Variants in HTR3C observed in about 807,000 individuals in gnomAD.
The protein encoded by HTR3C is 5-HT3-C.
HTR3C carries 32 observed loss-of-function variants against 40.5 expected under a neutral mutation model. The ratio of observed to expected loss-of-function variants is 0.79; its 90% CI spans 0.60 to 1.06. The LOEUF (loss-of-function observed/expected upper bound fraction) is 1.06, where lower values mean the gene tolerates loss of function less well. Ranked by LOEUF, HTR3C falls within the 50% of genes least tolerant of loss-of-function variation. The probability of loss-of-function intolerance (pLI) is 0.00; values close to 1 mark genes in which losing one functional copy is unlikely to be tolerated. For synonymous variants in HTR3C, 209 were observed against 217.1 expected (o/e 0.96, Z 0.33); for missense variants, 523 against 556.8 (o/e 0.94, Z 0.61).
intron 6 of HTR3C, among the ~76,000 whole-genome samples, chr3:184,059,163 G>A (rs563154208): frequency 3.9e-4 from 59 of 152,140 alleles, no homozygotes; most frequent in African/African-American, 1.3e-3. Flanking sequence ...GCTCAGAATG[G>A]ATCAGCTCAC....
In HTR3C at chr3:184,059,964, C is replaced by T. The variant is rs1465711411; in HGVS notation, c.1062C>T (p.Cys354=). Reference sequence around the variant, plus strand: ...GGCTTCACTCCCTGCTGCTCCACTGCACCAGCCCAGGGAGATGCTGTCCCA... The same window carrying T: ...GGCTTCACTCCCTGCTGCTCCACTGTACCAGCCCAGGGAGATGCTGTCCCA... The part of the protein sequence containing the change: ...PRWLHSLLLH[C]TSPGRCCPTA... The change falls in exon 8 of 9, where the codon TGC becomes TGT. Residue 354 remains cysteine (C), a synonymous_variant. Transcript: ENST00000318351. 1 of 1,613,844 alleles carries T rather than the reference C, an allele frequency of 6.2e-7. No individual in the cohort carries two copies. Among genetic ancestry groups the T allele is most frequent in the South Asian group, 1.1e-5 (1 of 91,074 alleles).
chr3:184,059,112 C>A (rs1560081969), intron 6 of HTR3C, among the ~76,000 whole-genome samples: 1 of 152,188 alleles, frequency 6.6e-6, no homozygotes, highest in Non-Finnish European at 1.5e-5. Flanking sequence ...CACTCCTGCT[C>A]TGGAGAGGGC....
At chr3:184,058,170 C>T (rs1240503773) in intron 5 of HTR3C, among the ~76,000 whole-genome samples, 1 of 152,212 alleles carries the variant, frequency 6.6e-6, no homozygotes, top group Non-Finnish European at 1.5e-5. Flanking sequence ...AAGTTCTTGA[C>T]TCACGTTTCA....
rs374888245 is a variant in HTR3C at position 184,060,291 on chromosome 3, G to C, written c.1283G>C (p.Arg428Pro). 1.2e-6 allele frequency: 2 copies of C among 1,614,108 alleles called. No homozygotes were observed. The highest frequency in any genetic ancestry group is 4.5e-5 in the East Asian group (2 of 44,862). ...FSHAMDTLLF[R>P]LYLLFMASSI... ...CACGCGATGGACACCCTGCTCTTCC[G>C]CCTCTACCTGCTCTTCATGGCCTCC... Residue 428 changes from arginine to proline, a missense_variant, in exon 9 of 9, where the codon CGC becomes CCC. Transcript: ENST00000318351.
chr3:184,058,282 A>G (rs959471466), intron 5 of HTR3C, 145 bp from the exon 6 acceptor site: 15 of 695,114 alleles, frequency 2.2e-5, no homozygotes, highest in Non-Finnish European at 3.4e-5. Flanking sequence ...CTAGTCGGGT[A>G]ACCCACTTCT....
In HTR3C at chr3:184,059,973, A is replaced by T; in HGVS notation, c.1071A>T (p.Pro357=). Residue 357 remains proline, a synonymous_variant, in exon 8 of 9, where the codon CCA becomes CCT. Transcript: ENST00000318351. The part of the protein sequence containing the change: ...LHSLLLHCTS[P]GRCCPTAPQK... ...CCCTGCTGCTCCACTGCACCAGCCC[A>T]GGGAGATGCTGTCCCACTGCGCCCC... 1 of 1,613,812 alleles carries T rather than the reference A, an allele frequency of 6.2e-7. No homozygotes were observed. Among genetic ancestry groups the T allele is most frequent in the African/African-American group, 1.3e-5 (1 of 75,004 alleles).
chr3:184,056,803 A>G (rs767501361), intron 4 of HTR3C, 72 bp from the exon 5 acceptor site: 441 of 1,362,846 alleles, frequency 3.2e-4, no homozygotes, highest in Non-Finnish European at 4.3e-4. Context: ...AGAGCACAGC[A>G]GGGGAGACCC....
At chr3:184,053,356 A>G (rs1723261177) in intron 1 of HTR3C, among the ~76,000 whole-genome samples, 1 of 152,176 alleles carries the variant, frequency 6.6e-6, no homozygotes, top group African/African-American at 2.4e-5. Flanking sequence ...ACAGGGATCT[A>G]TCAAACTGTC....
chr3:184,055,884 C>CAAAA (rs71185686), intron 3 of HTR3C, among the ~76,000 whole-genome samples: 2,784 of 30,682 alleles, frequency 0.091, 721 homozygotes, highest in Middle Eastern at 0.18. Context: ...AATAGCAACT[C>CAAAA]AAAAAAAAAA....
intron 3 of HTR3C, among the ~76,000 whole-genome samples, chr3:184,055,637 C>T (rs181419306): frequency 1.7e-4 from 26 of 151,628 alleles, no homozygotes; most frequent in Middle Eastern, 3.4e-3. Context: ...TTGCTTGAAC[C>T]GGGGAGGCAG....
intron 2 of HTR3C, among the ~76,000 whole-genome samples, 180 bp downstream of exon 2, chr3:184,055,067 G>A (rs777020565): frequency 5.9e-5 from 9 of 152,192 alleles, no homozygotes; most frequent in Non-Finnish European, 1.0e-4. Flanking sequence ...CTGCAGTGAT[G>A]TTTTTTCAGG....
chr3:184,056,029 A>G (rs1000639516), intron 3 of HTR3C, 148 bp from the exon 4 acceptor site: 1 of 602,440 alleles, frequency 1.7e-6, no homozygotes. Context: ...ACACCTTGTT[A>G]AATCAAGAAT....
intron 1 of HTR3C, 44 bp from the exon 2 acceptor site, chr3:184,054,677 C>T: frequency 1.3e-6 from 2 of 1,488,318 alleles, no homozygotes; most frequent in East Asian, 2.4e-5. Flanking sequence ...GACTCCAGCC[C>T]TGGAAATAGA....
At chr3:184,054,494 A>G (rs760064202) in intron 1 of HTR3C, among the ~76,000 whole-genome samples, 4 of 152,138 alleles carry the variant, frequency 2.6e-5, no homozygotes, top group Non-Finnish European at 4.4e-5. Flanking sequence ...CATGAGGATG[A>G]AGCAATGGGA....
At chr3:184,053,711 C>T (rs1041514610) in intron 1 of HTR3C, among the ~76,000 whole-genome samples, 6 of 152,146 alleles carry the variant, frequency 3.9e-5, no homozygotes, top group Admixed American at 2.0e-4. Flanking sequence ...TGGCCATGGC[C>T]GAGAGACAAT....
Position 184,054,840 on chromosome 3 carries a change from C to T in HTR3C, c.187C>T (p.Pro63Ser), listed in dbSNP as rs960008234. The T allele has an allele frequency of 6.2e-7, 1 of 1,613,376 alleles. No individual in the cohort carries two copies. The highest frequency in any genetic ancestry group is 8.5e-7 in the Non-Finnish European group (1 of 1,179,612). Residue 63 changes from proline (P) to serine (S), a missense_variant, in exon 2 of 9, where the codon CCT becomes TCT. Pro to Ser is a moderately conservative substitution (Grantham distance 74). Transcript: ENST00000318351. ...AFRPFTNYSIPTRVNISFTLS... is the reference protein window; with the variant it reads ...AFRPFTNYSISTRVNISFTLS... ...CCGTCCATTCACCAACTACAGCATCCCTACCCGTGTCAACATCTCCTTCAC... is the reference window on the plus strand; with the variant it reads ...CCGTCCATTCACCAACTACAGCATCTCTACCCGTGTCAACATCTCCTTCAC...
chr3:184,054,363 G>C (rs544587197), intron 1 of HTR3C, among the ~76,000 whole-genome samples: 25 of 152,328 alleles, frequency 1.6e-4, no homozygotes, highest in Admixed American at 1.4e-3. Flanking sequence ...TGGACCACAA[G>C]TTTTGGGCAG....
intron 3 of HTR3C, among the ~76,000 whole-genome samples, chr3:184,055,734 GAA>G (rs1723309768): frequency 1.4e-5 from 2 of 139,006 alleles, no homozygotes; most frequent in African/African-American, 5.4e-5. Flanking sequence ...CACACACACA[GAA>G]AAAGTGACTT....
At chr3:184,058,817 T>A (rs1723384032) in intron 6 of HTR3C, among the ~76,000 whole-genome samples, 1 of 151,830 alleles carries the variant, frequency 6.6e-6, no homozygotes, top group South Asian at 2.1e-4. Flanking sequence ...AACACAAAAA[T>A]TAGCTGGGTG....
Sources: allele counts gnomAD v4.1 joint callset (sites outside exome capture counted in the v4.1 genomes callset), GRCh38; gene constraint gnomAD v4.1.1; transcripts MANE v1.5; gene names NCBI Gene and HGNC (gene_info 2026-07-23, HGNC 2026-07-21).